Variants in GSDME observed in about 807,000 individuals in gnomAD.
GSDME encodes the protein gasdermin-E.
In GSDME, 44 loss-of-function variants were observed where a neutral mutation model predicts 47.5. The observed-to-expected ratio is 0.93, with a 90% confidence interval of 0.73 to 1.19. The LOEUF is 1.19. GSDME is among the 50% of genes most tolerant of loss of function. The probability of loss-of-function intolerance (pLI) is 0.00; values close to 1 mark genes in which losing one functional copy is unlikely to be tolerated. For synonymous variants in GSDME, 258 were observed against 252.8 expected, an observed-to-expected ratio of 1.02 and a Z score of -0.20; for missense variants, 663 against 604.2, an observed-to-expected ratio of 1.10 and a Z score of -1.02.
At position 24,719,161 on chromosome 7, in the gene GSDME, G is replaced by C. The variant is rs147416797; in HGVS notation, c.462C>G (p.Val154=). ...TGATCTTCTGTGTCAAAACGCACAG[G>C]ACCTCATTCCTTCCTTCCAGCACCT... ...LQQVLEGRNE[V]LCVLTQKITT... The change falls in exon 4 of 10, where the codon GTC becomes GTG. Residue 154 remains valine, a synonymous_variant. Coordinates refer to ENST00000645220, the MANE Select transcript of GSDME (RefSeq NM_001127453.2). The C allele has an allele frequency of 3.7e-6, 6 of 1,613,716 alleles. No homozygotes were observed. In the African/African-American group the frequency reaches 8.0e-5, roughly 22 times the overall value.
chr7:24,713,594 C>T (rs1465985525), intron 5 of GSDME, among the ~76,000 whole-genome samples: 1 of 152,176 alleles, frequency 6.6e-6, no homozygotes, highest in Non-Finnish European at 1.5e-5. Context: ...CCCCAGACCT[C>T]AGTGAGATCA....
Position 24,744,741 on chromosome 7 carries a change from C to T in GSDME, c.225G>A (p.Ser75=), listed in dbSNP as rs191022542. ...ACTTGCCCTCGTATTTCACAAAGTCCGACTCCACGACCACTGGAATGGAGG... is the reference window on the plus strand; with the variant it reads ...ACTTGCCCTCGTATTTCACAAAGTCTGACTCCACGACCACTGGAATGGAGG... ...DQFPSPVVVE[S]DFVKYEGKFA... The change falls in exon 3 of 10, where the codon TCG becomes TCA. Residue 75 remains serine (S), a synonymous_variant. Transcript: ENST00000645220. The surrounding 1 kb of genome is among the most constrained non-coding windows in gnomAD (Gnocchi z 4.5). 19 of 1,613,992 alleles carry T rather than the reference C, an allele frequency of 1.2e-5. No homozygotes were observed. The Admixed American group carries it at 1.7e-4, about 14-fold the overall frequency.
chr7:24,766,747 A>G, the GSDME span, among the ~76,000 whole-genome samples: 3 of 152,348 alleles, frequency 2.0e-5, no homozygotes, highest in East Asian at 5.8e-4. The surrounding 1 kb of genome is among the most constrained non-coding windows in gnomAD (Gnocchi z 4.2). Context: ...TATTGTGAAC[A>G]GTGCCACAGT....
At chr7:24,719,768 G>T (rs1236783440) in intron 3 of GSDME, among the ~76,000 whole-genome samples, 1 of 151,886 alleles carries the variant, frequency 6.6e-6, no homozygotes, top group African/African-American at 2.4e-5. Flanking sequence ...GCTCCAGCCA[G>T]GGCAACAGAG....
At chr7:24,723,879 T>C (rs1332716026) in intron 3 of GSDME, among the ~76,000 whole-genome samples, 2 of 152,254 alleles carry the variant, frequency 1.3e-5, no homozygotes, top group Non-Finnish European at 2.9e-5. Context: ...ACCCAAGTCC[T>C]CTGGGAATCC....
chr7:24,720,539 A>G (rs1789738758), intron 3 of GSDME, among the ~76,000 whole-genome samples: 1 of 152,228 alleles, frequency 6.6e-6, no homozygotes, highest in Non-Finnish European at 1.5e-5. Context: ...CAGAATAGAA[A>G]CAACTCACGT....
rs556971538 is a variant in GSDME, at chr7:24,756,918, A to G, written c.-20+478T>C. Among the ~76,000 whole-genome samples, 2 of 152,176 alleles carry G rather than the reference A, an allele frequency of 1.3e-5. No homozygotes were observed. Among genetic ancestry groups the G allele is most frequent in the African/African-American group, 4.8e-5 (2 of 41,524 alleles). ...GACTTTTTTCCGTCCAGAGAGACTG[A>G]ACTCCGTATCTGTTCCGCGGTCCGC... On this transcript the variant is annotated intron_variant, in intron 1 of 9. Transcript: ENST00000645220. The surrounding 1 kb of genome is among the most constrained non-coding windows in gnomAD (Gnocchi z 4.2).
In GSDME at chr7:24,699,005, A is replaced by G. The variant is rs1336863031; in HGVS notation, c.*21T>C. Reference sequence around the variant, plus strand: ...AAAATAGCCTTGGCCAGTAACACGTACTTCTAGTTCACATATGACATCATG... The same window carrying G: ...AAAATAGCCTTGGCCAGTAACACGTGCTTCTAGTTCACATATGACATCATG... On this transcript the variant is annotated 3_prime_UTR_variant, in exon 10 of 10. Coordinates refer to ENST00000645220, the MANE Select transcript of GSDME (RefSeq NM_001127453.2). 2 of 1,533,026 alleles carry G rather than the reference A, an allele frequency of 1.3e-6. No homozygotes were observed. The highest frequency in any genetic ancestry group is 1.8e-6 in the Non-Finnish European group (2 of 1,107,628). 95.0% of individuals were successfully genotyped at this position (1,533,026 alleles called of 1,614,324 possible). A position where few individuals can be genotyped will look rare whatever the true frequency, so the allele number is the denominator to read the frequency against.
Position 24,732,428 on chromosome 7 carries a change from T to C in GSDME, c.404+12134A>G, listed in dbSNP as rs894126981. On this transcript the variant is annotated intron_variant, in intron 3 of 9. Coordinates refer to ENST00000645220, the MANE Select transcript of GSDME (RefSeq NM_001127453.2). The surrounding 1 kb of genome is among the most constrained non-coding windows in gnomAD (Gnocchi z 4.8). ...TGTTCTCCCCACAGGAACACCAAAG[T>C]CAACAACTATCTATATAAAAAAGCA... Among the ~76,000 whole-genome samples the C allele has an allele frequency of 6.6e-6, 1 of 152,100 alleles. No individual in the cohort carries two copies. The highest frequency in any genetic ancestry group is 2.4e-5 in the African/African-American group (1 of 41,414).
At chr7:24,751,244 A>T (rs1562717045) in intron 1 of GSDME, among the ~76,000 whole-genome samples, 3 of 152,152 alleles carry the variant, frequency 2.0e-5, no homozygotes, top group Non-Finnish European at 2.9e-5. Context: ...CACATAGCCC[A>T]ATATATATAT....
In GSDME at chr7:24,699,120, A is replaced by G. The variant is rs202208422; in HGVS notation, c.1397T>C (p.Val466Ala). Residue 466 changes from valine (V) to alanine (A), a missense_variant, in exon 10 of 10, where the codon GTG becomes GCG. Physicochemically the swap from Val to Ala is moderately conservative, Grantham distance 64 (BLOSUM62 0). Transcript: ENST00000645220. ...DISLERLKSS[V>A]KAVILKDSKV... ...AGAGTCCTTCAGAATGACAGCTTTC[A>G]CAGATGACTTCAGTCTCTCCAGACT... is the stretch of plus-strand genomic sequence containing the variant. The G allele has an allele frequency of 6.2e-6, 10 of 1,614,166 alleles. No homozygotes were observed. Among genetic ancestry groups the G allele is most frequent in the Middle Eastern group, 1.6e-4 (1 of 6,062 alleles).
chr7:24,731,668 A>T (rs139117090), intron 3 of GSDME, among the ~76,000 whole-genome samples: 124 of 152,332 alleles, frequency 8.1e-4, no homozygotes, highest in African/African-American at 2.8e-3. Context: ...AACTAATGAG[A>T]ACTTGCCACA....
At chr7:24,759,038 T>A (rs900995637), upstream of GSDME, among the ~76,000 whole-genome samples, 1 of 152,136 alleles carries the variant, frequency 6.6e-6, no homozygotes, top group Non-Finnish European at 1.5e-5. Context: ...AAGTGCACAA[T>A]TAGTGGTTAT....
intron 7 of GSDME, chr7:24,707,432 AAC>A (rs1025037879): frequency 4.2e-6 from 2 of 471,528 alleles, no homozygotes; most frequent in Non-Finnish European, 4.4e-6. Context: ...TCTGCTGCAA[AAC>A]ACAACAGTGC....
At chr7:24,761,933 T>C (rs1791171290), upstream of GSDME, among the ~76,000 whole-genome samples, 1 of 152,218 alleles carries the variant, frequency 6.6e-6, no homozygotes, top group Non-Finnish European at 1.5e-5. The surrounding 1 kb of genome is among the most constrained non-coding windows in gnomAD (Gnocchi z 4.4). Context: ...ACATCTTCTA[T>C]CTGCCGCCCT....
the GSDME span, among the ~76,000 whole-genome samples, chr7:24,778,242 C>A: frequency 9.2e-3 from 1,396 of 151,870 alleles, 23 homozygotes; most frequent in African/African-American, 0.032. The surrounding 1 kb of genome is among the most constrained non-coding windows in gnomAD (Gnocchi z 5.6). Context: ...CAGGTCTCAG[C>A]CTTCCCAGGG....
chr7:24,711,815 CAAAAAA>C (rs35002301), intron 5 of GSDME, among the ~76,000 whole-genome samples: 1 of 97,100 alleles, frequency 1.0e-5, no homozygotes, highest in Non-Finnish European at 2.2e-5. Context: ...ACCTTGTCTC[CAAAAAA>C]AAAAAAAAAA....
intron 1 of GSDME, among the ~76,000 whole-genome samples, chr7:24,752,146 G>A (rs943889733): frequency 2.0e-5 from 3 of 152,322 alleles, no homozygotes; most frequent in Non-Finnish European, 4.4e-5. Flanking sequence ...GGATGGGGAA[G>A]ACAGTGCCAA....
At chr7:24,755,902 A>G (rs1791001431) in intron 1 of GSDME, among the ~76,000 whole-genome samples, 1 of 152,160 alleles carries the variant, frequency 6.6e-6, no homozygotes, top group South Asian at 2.1e-4. Flanking sequence ...GTACTTGTCT[A>G]CTTGTCTCAT....
Sources: allele counts gnomAD v4.1 joint callset (sites outside exome capture counted in the v4.1 genomes callset), GRCh38; gene constraint gnomAD v4.1.1; non-coding constraint Gnocchi (gnomAD v3.1); transcripts MANE v1.5; gene names NCBI Gene and HGNC (gene_info 2026-07-23, HGNC 2026-07-21).